SAMD4A: variants seen among roughly 807,000 people sequenced by gnomAD.
SAMD4A encodes the protein protein Smaug homolog 1.
SAMD4A carries 33 observed loss-of-function variants against 81.3 expected under a neutral mutation model. That is an observed-to-expected ratio of 0.41 (90% CI 0.31 to 0.54). SAMD4A has a LOEUF of 0.54. Among genes scored for constraint, SAMD4A ranks in the 20% least tolerant of loss-of-function variants. SAMD4A has a pLI of 0.37. For synonymous variants in SAMD4A, 389 were observed against 382.1 expected (o/e 1.02, Z -0.21); for missense variants, 854 against 951.1 (o/e 0.90, Z 1.34).
intron 2 of SAMD4A, among the ~76,000 whole-genome samples, chr14:54,588,478 A>G (rs777403808): frequency 1.1e-4 from 17 of 151,676 alleles, no homozygotes; most frequent in Non-Finnish European, 1.9e-4. Flanking sequence ...GTGCCCTTAG[A>G]TTGTCCATTT....
At chr14:54,634,984 C>G (rs763081021) in intron 2 of SAMD4A, among the ~76,000 whole-genome samples, 4 of 152,144 alleles carry the variant, frequency 2.6e-5, no homozygotes, top group Admixed American at 1.3e-4. Context: ...CTGTATCCTG[C>G]TATGCATTCA....
In SAMD4A at chr14:54,789,539, C is replaced by T. The variant is rs1267795275; in HGVS notation, c.*595C>T. 3 of 153,506 alleles carry T rather than the reference C, an allele frequency of 2.0e-5. No homozygotes were observed. The highest frequency in any genetic ancestry group is 1.3e-4 in the Admixed American group (2 of 15,530). 9.5% of individuals were successfully genotyped at this position (153,506 alleles called of 1,614,324 possible). On this transcript the variant is annotated 3_prime_UTR_variant, in exon 13 of 13. Coordinates refer to ENST00000554335, the MANE Select transcript of SAMD4A (RefSeq NM_015589.6). ...TCCCTGCAACAAAACTTCAGCTAAA[C>T]TTTGATTTGTGTATTGTTTACATAA...
At chr14:54,679,608 T>A (rs1318564531) in intron 2 of SAMD4A, among the ~76,000 whole-genome samples, 1 of 152,182 alleles carries the variant, frequency 6.6e-6, no homozygotes, top group South Asian at 2.1e-4. Flanking sequence ...ATTATCCCAG[T>A]ACTAAGTCTT....
chr14:54,634,131 CA>C (rs2034971152), intron 2 of SAMD4A, among the ~76,000 whole-genome samples: 1 of 151,954 alleles, frequency 6.6e-6, no homozygotes, highest in Non-Finnish European at 1.5e-5. Context: ...ACTAAAAATA[CA>C]AAAATCAGCC....
chr14:54,669,445 C>CTTTTTTT (rs11406251), intron 2 of SAMD4A, among the ~76,000 whole-genome samples: 33 of 103,280 alleles, frequency 3.2e-4, no homozygotes, highest in African/African-American at 9.4e-4. Context: ...ACGCTTCTTT[C>CTTTTTTT]TTTTTTTTTT....
chr14:54,570,484 G>A (rs1173784482), intron 2 of SAMD4A, among the ~76,000 whole-genome samples: 6 of 152,116 alleles, frequency 3.9e-5, no homozygotes, highest in Non-Finnish European at 7.3e-5. Context: ...GTGTATTGGG[G>A]GTAACACATT....
chr14:54,702,534 A>T lies in SAMD4A; in HGVS notation c.669A>T (p.Ser223=), dbSNP rs774715507. ...ENGHVPLYSS[S]SVPTTINTIG... ...GCCATGTGCCCCTCTACTCCTCCTC[A>T]TCTGTCCCCACCACAATCAATACGA... Residue 223 remains serine (S), a synonymous_variant, in exon 3 of 13, where the codon TCA becomes TCT. Coordinates refer to ENST00000554335, the MANE Select transcript of SAMD4A (RefSeq NM_015589.6). 1.9e-5 allele frequency: 30 copies of T among 1,614,032 alleles called. No homozygotes were observed. Among genetic ancestry groups the T allele is most frequent in the Non-Finnish European group, 2.5e-5 (30 of 1,179,994 alleles).
At chr14:54,639,582 C>T (rs930698706) in intron 2 of SAMD4A, among the ~76,000 whole-genome samples, 3 of 152,324 alleles carry the variant, frequency 2.0e-5, no homozygotes, top group African/African-American at 7.2e-5. Flanking sequence ...TTACGGCGGG[C>T]AGTACTTCCC....
chr14:54,591,275 A>G (rs565389832), intron 2 of SAMD4A, among the ~76,000 whole-genome samples: 1 of 152,262 alleles, frequency 6.6e-6, no homozygotes, highest in African/African-American at 2.4e-5. Flanking sequence ...GGGGTACTTT[A>G]GAAATTTGTG....
At chr14:54,659,941 C>T (rs772798616) in intron 2 of SAMD4A, among the ~76,000 whole-genome samples, 54 of 152,136 alleles carry the variant, frequency 3.5e-4, no homozygotes, top group Non-Finnish European at 7.2e-4. Context: ...ATTAGCCGAG[C>T]ATGGTGGCGC....
intron 9 of SAMD4A, among the ~76,000 whole-genome samples, chr14:54,771,099 G>A (rs2038691663): frequency 6.6e-6 from 1 of 152,148 alleles, no homozygotes; most frequent in Non-Finnish European, 1.5e-5. Context: ...ATTTGCGTAA[G>A]CGTGCCTTAA....
chr14:54,771,001 A>C (rs1002083476), intron 9 of SAMD4A, among the ~76,000 whole-genome samples: 2 of 152,002 alleles, frequency 1.3e-5, no homozygotes, highest in African/African-American at 4.8e-5. Flanking sequence ...TAATTTCTTC[A>C]CTTGCACCTG....
chr14:54,638,847 G>A (rs531165776), intron 2 of SAMD4A, among the ~76,000 whole-genome samples: 1 of 152,286 alleles, frequency 6.6e-6, no homozygotes, highest in South Asian at 2.1e-4. Flanking sequence ...AATGTATACC[G>A]ATGTTCTAAG....
chr14:54,783,823 T>C (rs1204304270), intron 11 of SAMD4A, among the ~76,000 whole-genome samples: 1 of 152,236 alleles, frequency 6.6e-6, no homozygotes, highest in Non-Finnish European at 1.5e-5. Context: ...TGCTGGGCCC[T>C]GGCTTTCCTC....
intron 3 of SAMD4A, 33 bp from the exon 4 acceptor site, chr14:54,736,991 G>GA (rs749640374): frequency 2.5e-6 from 4 of 1,607,230 alleles, no homozygotes; most frequent in Non-Finnish European, 3.4e-6. Flanking sequence ...AAAGGGGGGG[G>GA]AATAACCTAT....
intron 9 of SAMD4A, 143 bp from the exon 10 acceptor site, chr14:54,774,791 G>T (rs1212604085): frequency 6.0e-5 from 46 of 765,594 alleles, no homozygotes; most frequent in Non-Finnish European, 8.8e-5. Context: ...TCCAACCTGG[G>T]TAACAGAGTG....
intron 9 of SAMD4A, among the ~76,000 whole-genome samples, chr14:54,772,801 G>C (rs959689702): frequency 2.7e-5 from 4 of 150,000 alleles, no homozygotes; most frequent in African/African-American, 7.3e-5. Context: ...CAAAGGACTA[G>C]TTTTCGTCAT....
intron 12 of SAMD4A, among the ~76,000 whole-genome samples, chr14:54,787,452 C>T (rs1278210844): frequency 6.6e-6 from 1 of 152,202 alleles, no homozygotes; most frequent in Non-Finnish European, 1.5e-5. Context: ...AGGAACCAAC[C>T]CCCTGTGGTG....
chr14:54,570,305 G>A (rs1273523787), intron 2 of SAMD4A, among the ~76,000 whole-genome samples: 1 of 152,164 alleles, frequency 6.6e-6, no homozygotes, highest in Non-Finnish European at 1.5e-5. Flanking sequence ...GTGGCTCTCT[G>A]CATATCCGGA....
Sources: gnomAD v4.1 joint callset for allele counts (sites outside exome capture counted in the v4.1 genomes callset) on GRCh38, gnomAD v4.1.1 for gene constraint, MANE v1.5 for transcripts, NCBI Gene and HGNC (gene_info 2026-07-23, HGNC 2026-07-21) for gene names.